MYRIP: variants seen among roughly 807,000 people sequenced by gnomAD.
MYRIP encodes the protein rab effector MyRIP.
Under a neutral mutation model 98.0 loss-of-function variants are expected in MYRIP, and 49 were observed. That is an observed-to-expected ratio of 0.50 (90% CI 0.40 to 0.63). The LOEUF (loss-of-function observed/expected upper bound fraction) is 0.63. MYRIP is among the 30% of genes least tolerant of loss of function. The probability of loss-of-function intolerance (pLI) is 0.00; values close to 1 mark genes in which losing one functional copy is unlikely to be tolerated. For synonymous variants in MYRIP, 404 were observed against 409.5 expected, an observed-to-expected ratio of 0.99 and a Z score of 0.16; for missense variants, 1,004 against 1,058.2, an observed-to-expected ratio of 0.95 and a Z score of 0.71.
At chr3:39,908,069 C>CTAGT (rs1312686292) in intron 2 of MYRIP, among the ~76,000 whole-genome samples, 1 of 152,168 alleles carries the variant, frequency 6.6e-6, no homozygotes, top group Admixed American at 6.5e-5. Context: ...TTGCCAAAAG[C>CTAGT]TAGTTAGCAT....
intron 3 of MYRIP, among the ~76,000 whole-genome samples, chr3:40,069,170 GA>G (rs956661083): frequency 6.6e-6 from 1 of 152,140 alleles, no homozygotes; most frequent in African/African-American, 2.4e-5. Flanking sequence ...CTTTGGGAGA[GA>G]AACATGTCAC....
chr3:40,173,350 G>A (rs1300200497), intron 8 of MYRIP: 1 of 152,142 alleles, frequency 6.6e-6, no homozygotes, highest in Non-Finnish European at 1.5e-5. Context: ...GGAAGCTCCG[G>A]AGATGGAATG....
chr3:39,923,770 T>C (rs921986045), intron 2 of MYRIP, among the ~76,000 whole-genome samples: 2 of 152,148 alleles, frequency 1.3e-5, no homozygotes, highest in Admixed American at 6.5e-5. Context: ...TAAAATTATG[T>C]TTCACAGTTG....
In MYRIP at chr3:39,830,602, A is replaced by G. The variant is rs115828701; in HGVS notation, c.-31+20686A>G. ...ATCTGCTGCCCTTTGTTCTGTGACC[A>G]ATATGAAATGTCGCTCCACTCCCTA... On this transcript the variant is annotated intron_variant, in intron 1 of 16. Transcript: ENST00000302541. Among the ~76,000 whole-genome samples the G allele has an allele frequency of 6.0e-3, 913 of 152,292 alleles. 8 individuals carry two copies. The highest frequency in any genetic ancestry group is 0.021 in the African/African-American group (865 of 41,554).
rs568205118 is a variant in MYRIP, at chr3:39,979,654, A to C, written c.111-64396A>C. ...ACTACATCTCAAAAACCAAAACAAA[A>C]CAAAAAAAAAAAAACAAAAAAAAAC... On this transcript the variant is annotated intron_variant, in intron 2 of 16. Transcript: ENST00000302541. Among the ~76,000 whole-genome samples the C allele has an allele frequency of 2.9e-3, 394 of 136,180 alleles. 3 individuals carry two copies. Among genetic ancestry groups the C allele is most frequent in the East Asian group, 7.4e-3 (36 of 4,864 alleles). The allele number at this position is 136,180 out of a possible 152,430, so 89.3% of individuals were successfully genotyped here.
At chr3:40,082,485 T>C (rs538504801) in intron 3 of MYRIP, among the ~76,000 whole-genome samples, 36 of 152,352 alleles carry the variant, frequency 2.4e-4, no homozygotes, top group African/African-American at 4.8e-4. Context: ...CATTAATGGC[T>C]TAATTTATAT....
chr3:40,151,324 A>G, intron 4 of MYRIP, 140 bp downstream of exon 4: 1 of 926,264 alleles, frequency 1.1e-6, no homozygotes, highest in Non-Finnish European at 1.5e-6. Flanking sequence ...GAGAAGCAGA[A>G]ATAGAAGGAC....
chr3:40,054,165 C>G (rs750502294), intron 3 of MYRIP, among the ~76,000 whole-genome samples: 26 of 152,110 alleles, frequency 1.7e-4, no homozygotes, highest in South Asian at 6.2e-4. Context: ...AAGTATATAC[C>G]ATGACCTTGC....
intron 2 of MYRIP, among the ~76,000 whole-genome samples, chr3:39,978,490 C>T (rs1049756135): frequency 6.6e-6 from 1 of 152,186 alleles, no homozygotes; most frequent in Non-Finnish European, 1.5e-5. Context: ...GTTATGCAGC[C>T]TCTCCCTGAT....
intron 8 of MYRIP, chr3:40,174,470 T>A (rs1950702469): frequency 6.6e-6 from 1 of 152,220 alleles, no homozygotes; most frequent in South Asian, 2.1e-4. Context: ...AGCCTGAATC[T>A]GAGAATAAAG....
chr3:40,088,832 T>C (rs1948683101), intron 3 of MYRIP, among the ~76,000 whole-genome samples: 1 of 152,184 alleles, frequency 6.6e-6, no homozygotes, highest in Non-Finnish European at 1.5e-5. Flanking sequence ...GCTGGCATGC[T>C]CAGATTCATG....
At chr3:40,005,752 C>A (rs971480520) in intron 2 of MYRIP, among the ~76,000 whole-genome samples, 4 of 152,168 alleles carry the variant, frequency 2.6e-5, no homozygotes, top group African/African-American at 9.7e-5. Flanking sequence ...ATGTATTTTG[C>A]AACACCATAT....
chr3:40,129,328 C>A (rs1949587121), intron 3 of MYRIP, among the ~76,000 whole-genome samples: 1 of 150,744 alleles, frequency 6.6e-6, no homozygotes, highest in Non-Finnish European at 1.5e-5. Context: ...GTAATCCCAG[C>A]TACTCAGGAG....
At chr3:40,051,084 G>A (rs1209142596) in intron 3 of MYRIP, among the ~76,000 whole-genome samples, 2 of 152,198 alleles carry the variant, frequency 1.3e-5, no homozygotes, top group African/African-American at 4.8e-5. Flanking sequence ...CATAAACTTA[G>A]TTGATAAAGC....
At chr3:40,024,603 T>C (rs1401516096) in intron 2 of MYRIP, among the ~76,000 whole-genome samples, 2 of 151,478 alleles carry the variant, frequency 1.3e-5, no homozygotes, top group Non-Finnish European at 2.9e-5. Context: ...CTGGCCAAAG[T>C]CTAGGTTTAT....
intron 1 of MYRIP, among the ~76,000 whole-genome samples, chr3:39,885,040 G>C (rs902205405): frequency 8.0e-5 from 12 of 149,706 alleles, no homozygotes; most frequent in Middle Eastern, 3.2e-3. Context: ...TTTCCTCATA[G>C]ACTTACCAGC....
At chr3:40,179,817 C>T (rs994255401) in intron 8 of MYRIP, among the ~76,000 whole-genome samples, 1 of 152,210 alleles carries the variant, frequency 6.6e-6, no homozygotes, top group African/African-American at 2.4e-5. Context: ...GCTGTGTGAT[C>T]ACACAGGAGG....
intron 2 of MYRIP, among the ~76,000 whole-genome samples, chr3:39,978,885 T>C (rs1452522887): frequency 6.6e-6 from 1 of 152,170 alleles, no homozygotes; most frequent in Non-Finnish European, 1.5e-5. Flanking sequence ...CTTTATGTTC[T>C]AAGCTGTAGC....
At chr3:39,900,998 T>A in intron 2 of MYRIP, 72 bp downstream of exon 2, 3 of 1,092,236 alleles carry the variant, frequency 2.7e-6, no homozygotes, top group Non-Finnish European at 4.1e-6. Flanking sequence ...TTCCTGAGGG[T>A]ATTCCCTCCT....
Sources: gnomAD v4.1 joint callset for allele counts (sites outside exome capture counted in the v4.1 genomes callset) on GRCh38, gnomAD v4.1.1 for gene constraint, MANE v1.5 for transcripts, NCBI Gene and HGNC (gene_info 2026-07-23, HGNC 2026-07-21) for gene names.